Variants in STXBP5L observed in about 807,000 individuals in gnomAD.
STXBP5L encodes syntaxin-binding protein 5-like.
In STXBP5L, 65 loss-of-function variants were observed where a neutral mutation model predicts 144.5. The ratio of observed to expected loss-of-function variants is 0.45; its 90% confidence interval spans 0.37 to 0.55. The LOEUF is 0.55. STXBP5L is among the 20% of genes least tolerant of loss of function. The pLI, the probability that STXBP5L is intolerant of heterozygous loss-of-function variation, is 0.00. For synonymous variants in STXBP5L, 505 were observed against 469.6 expected, an observed-to-expected ratio of 1.08 and a Z score of -0.97; for missense variants, 1,298 against 1,405.5, an observed-to-expected ratio of 0.92 and a Z score of 1.22.
chr3:120,954,197 A>G (rs1937765476), intron 2 of STXBP5L, among the ~76,000 whole-genome samples: 1 of 152,114 alleles, frequency 6.6e-6, no homozygotes, highest in Non-Finnish European at 1.5e-5. Flanking sequence ...AGATTTTAAT[A>G]TTTGTTTCTA....
intron 20 of STXBP5L, among the ~76,000 whole-genome samples, chr3:121,374,665 A>C (rs1393771642): frequency 2.6e-5 from 4 of 152,150 alleles, no homozygotes; most frequent in Admixed American, 1.3e-4. Context: ...AATGGAATAA[A>C]AAAATACAAT....
chr3:121,057,436 T>A (rs72968854), intron 5 of STXBP5L, among the ~76,000 whole-genome samples: 9 of 152,204 alleles, frequency 5.9e-5, no homozygotes, highest in African/African-American at 2.2e-4. Flanking sequence ...AACAAACACC[T>A]AAATCAAGAT....
At chr3:121,204,920 A>G (rs993692822) in intron 9 of STXBP5L, among the ~76,000 whole-genome samples, 1 of 152,212 alleles carries the variant, frequency 6.6e-6, no homozygotes, top group Admixed American at 6.5e-5. Context: ...CCCATCCCCT[A>G]TAAGAAATTA....
chr3:121,230,713 G>C (rs1447341462), intron 11 of STXBP5L, among the ~76,000 whole-genome samples: 1 of 152,160 alleles, frequency 6.6e-6, no homozygotes, highest in Non-Finnish European at 1.5e-5. Flanking sequence ...TACAAATAAT[G>C]ATCAAGCTTT....
chr3:121,114,795 C>T, intron 5 of STXBP5L, 130 bp from the exon 6 acceptor site: 1 of 499,910 alleles, frequency 2.0e-6, no homozygotes, highest in South Asian at 4.6e-5. Context: ...TGAATAACTA[C>T]ATGCTATACT....
chr3:121,386,890 C>A (rs1576333780), intron 22 of STXBP5L, among the ~76,000 whole-genome samples: 1 of 152,128 alleles, frequency 6.6e-6, no homozygotes, highest in South Asian at 2.1e-4. Context: ...TTTATAGTAG[C>A]ATGATTTATA....
intron 19 of STXBP5L, among the ~76,000 whole-genome samples, chr3:121,305,262 T>G (rs918885250): frequency 6.6e-6 from 1 of 152,168 alleles, no homozygotes; most frequent in Non-Finnish European, 1.5e-5. Context: ...ACCAATCTTA[T>G]GCAAATTCTT....
intron 19 of STXBP5L, among the ~76,000 whole-genome samples, chr3:121,293,975 A>G (rs988837274): frequency 2.6e-5 from 4 of 152,232 alleles, no homozygotes; most frequent in African/African-American, 9.6e-5. Flanking sequence ...GGAAGAGAAA[A>G]AGTGAGTGAA....
At chr3:121,180,914 A>G (rs1308485485) in intron 9 of STXBP5L, among the ~76,000 whole-genome samples, 1 of 151,576 alleles carries the variant, frequency 6.6e-6, no homozygotes, top group Non-Finnish European at 1.5e-5. Context: ...AGAAGAGAAA[A>G]GAAAAGAAAG....
intron 5 of STXBP5L, among the ~76,000 whole-genome samples, chr3:121,051,792 G>C (rs779198809): frequency 6.6e-6 from 1 of 152,008 alleles, no homozygotes; most frequent in Non-Finnish European, 1.5e-5. Flanking sequence ...AATTAATGAA[G>C]CCAGGAGCTG....
At chr3:121,243,655 A>C (rs953322410) in intron 14 of STXBP5L, among the ~76,000 whole-genome samples, 3 of 152,046 alleles carry the variant, frequency 2.0e-5, no homozygotes, top group African/African-American at 4.8e-5. Context: ...CTTTGCCTCA[A>C]AATATCTCAC....
intron 10 of STXBP5L, among the ~76,000 whole-genome samples, chr3:121,210,419 A>T (rs1320162156): frequency 6.6e-6 from 1 of 151,800 alleles, no homozygotes; most frequent in African/African-American, 2.4e-5. Context: ...TGCTGTGCAG[A>T]AGCTCTTTAG....
chr3:121,075,770 T>C (rs2041993694), intron 5 of STXBP5L, among the ~76,000 whole-genome samples: 1 of 152,208 alleles, frequency 6.6e-6, no homozygotes, highest in South Asian at 2.1e-4. Context: ...TGCTCCAAAC[T>C]TTGTAGCCCT....
At chr3:121,036,196 G>A (rs1040683207) in intron 3 of STXBP5L, among the ~76,000 whole-genome samples, 1 of 151,970 alleles carries the variant, frequency 6.6e-6, no homozygotes, top group African/African-American at 2.4e-5. Flanking sequence ...AGCTGGGCAC[G>A]GTTGTGGGCT....
At chr3:121,187,807 C>A (rs987500501) in intron 9 of STXBP5L, among the ~76,000 whole-genome samples, 1 of 149,790 alleles carries the variant, frequency 6.7e-6, no homozygotes, top group Non-Finnish European at 1.5e-5. Context: ...ATCTCATGTG[C>A]AAAAACATAC....
At chr3:120,973,438 A>T (rs1012736981) in intron 3 of STXBP5L, among the ~76,000 whole-genome samples, 3 of 151,896 alleles carry the variant, frequency 2.0e-5, no homozygotes, top group Admixed American at 2.0e-4. Flanking sequence ...GCCATTTCTA[A>T]TTATGCTTAT....
chr3:121,088,491 G>T (rs1215467054), intron 5 of STXBP5L, among the ~76,000 whole-genome samples: 25 of 65,766 alleles, frequency 3.8e-4, no homozygotes, highest in Non-Finnish European at 6.2e-4. Flanking sequence ...TACACTGTTG[G>T]TGGGACTGTA....
chr3:121,177,116 T>C (rs1476590867), intron 9 of STXBP5L, among the ~76,000 whole-genome samples: 3 of 152,056 alleles, frequency 2.0e-5, no homozygotes, highest in African/African-American at 7.2e-5. Context: ...ATGGGTGGCA[T>C]CAGAATTCTC....
chr3:121,268,347 C>G (rs2050638440), intron 18 of STXBP5L, among the ~76,000 whole-genome samples: 1 of 151,994 alleles, frequency 6.6e-6, no homozygotes, highest in Non-Finnish European at 1.5e-5. Flanking sequence ...TAAGTGGGAG[C>G]TGAGCAATGA....
Sources: gnomAD v4.1 joint callset for allele counts (sites outside exome capture counted in the v4.1 genomes callset) on GRCh38, gnomAD v4.1.1 for gene constraint, MANE v1.5 for transcripts, NCBI Gene and HGNC (gene_info 2026-07-23, HGNC 2026-07-21) for gene names.